The following RBFOX3 variants were observed in gnomAD, a reference collection of about 807,000 sequenced individuals.
RBFOX3 encodes RNA binding protein fox-1 homolog 3.
A neutral mutation model predicts 48.7 loss-of-function variants in RBFOX3; 17 were observed. The observed-to-expected ratio is 0.35, with a 90% CI of 0.24 to 0.52. The LOEUF is 0.52. RBFOX3 is among the 20% of genes least tolerant of loss of function. RBFOX3 has a pLI of 0.94. For missense variants in RBFOX3, 382 were observed against 497.5 expected (o/e 0.77, Z 2.21); for synonymous variants, 212 against 209.5 (o/e 1.01, Z -0.10).
intron 1 of RBFOX3, among the ~76,000 whole-genome samples, chr17:79,510,568 G>C (rs1189275446): frequency 6.6e-6 from 1 of 152,196 alleles, no homozygotes; most frequent in Non-Finnish European, 1.5e-5. Context: ...TAAAGTTGGG[G>C]CTGTAATTAC....
Position 79,198,917 on chromosome 17 carries a change from C to A in RBFOX3, c.-34+36849G>T, listed in dbSNP as rs1429816920. On this transcript the variant is annotated intron_variant, in intron 4 of 14. Transcript: ENST00000693108. This position sits in a 1 kb window ranked among gnomAD's most constrained non-coding sequence, Gnocchi z 8.2. Reference sequence around the variant, plus strand: ...GTGCTGGGATTACAGGTGTGAGCCACTGCACCTGGCCGAGCTTTTTGATGC... The same window carrying A: ...GTGCTGGGATTACAGGTGTGAGCCAATGCACCTGGCCGAGCTTTTTGATGC... Among the ~76,000 whole-genome samples the A allele has an allele frequency of 6.6e-6, 1 of 152,216 alleles. No individual in the cohort carries two copies. Among genetic ancestry groups the A allele is most frequent in the Non-Finnish European group, 1.5e-5 (1 of 68,044 alleles).
chr17:79,417,723 A>G (rs782647061), intron 2 of RBFOX3, among the ~76,000 whole-genome samples: 3 of 152,260 alleles, frequency 2.0e-5, no homozygotes, highest in Admixed American at 6.5e-5. Context: ...GCTCCTGGGT[A>G]CAGCCCCAAG....
At chr17:79,617,268 G>T in the RBFOX3 span, among the ~76,000 whole-genome samples, 2 of 151,998 alleles carry the variant, frequency 1.3e-5, no homozygotes, top group Non-Finnish European at 2.9e-5. Flanking sequence ...CCTGCTCTGG[G>T]GATGGGGGGG....
chr17:79,112,250 G>A (rs778670788), intron 5 of RBFOX3, among the ~76,000 whole-genome samples: 4 of 152,302 alleles, frequency 2.6e-5, no homozygotes, highest in East Asian at 1.9e-4. Flanking sequence ...TCTCAGTGTC[G>A]GTGAGGGACC....
chr17:79,241,410 A>AACTC (rs1301361166), intron 3 of RBFOX3, among the ~76,000 whole-genome samples: 3 of 152,108 alleles, frequency 2.0e-5, no homozygotes, highest in African/African-American at 7.2e-5. Context: ...ATCTCTTCTT[A>AACTC]ACTCCATTGG....
intron 1 of RBFOX3, among the ~76,000 whole-genome samples, chr17:79,494,449 C>A (rs814745): frequency 0.94 from 142,502 of 152,282 alleles, 67,069 homozygotes; most frequent in Non-Finnish European, 0.98. Flanking sequence ...GGCTGGCACC[C>A]CCTCTTGTTC....
rs979131247 is a variant in RBFOX3, at chr17:79,205,775, A to G, written c.-34+29991T>C. On this transcript the variant is annotated intron_variant, in intron 4 of 14. Coordinates refer to ENST00000693108, the MANE Select transcript of RBFOX3 (RefSeq NM_001350451.2). This position sits in a 1 kb window ranked among gnomAD's most constrained non-coding sequence, Gnocchi z 4.5. ...CGACAGAGCCTCTATTACTTGGTAT[A>G]TGGTGATTGATATGGAAAATGTATT... Among the ~76,000 whole-genome samples, 1 of 151,742 alleles carries G rather than the reference A, an allele frequency of 6.6e-6. No homozygotes were observed. Among genetic ancestry groups the G allele is most frequent in the African/African-American group, 2.4e-5 (1 of 41,308 alleles).
At chr17:79,161,659 G>A (rs1405289657) in intron 4 of RBFOX3, among the ~76,000 whole-genome samples, 4 of 152,208 alleles carry the variant, frequency 2.6e-5, no homozygotes, top group South Asian at 2.1e-4. Context: ...GCAGTGGCGC[G>A]ATCTTGTTTC....
At chr17:79,119,086 G>A (rs997679696) in intron 4 of RBFOX3, among the ~76,000 whole-genome samples, 6 of 151,964 alleles carry the variant, frequency 3.9e-5, no homozygotes, top group African/African-American at 1.4e-4. Context: ...TCTAATCCCT[G>A]TCATTCAACT....
intron 1 of RBFOX3, among the ~76,000 whole-genome samples, chr17:79,566,981 T>C (rs1249696039): frequency 5.9e-5 from 9 of 152,112 alleles, no homozygotes; most frequent in African/African-American, 2.2e-4. Context: ...TAAATTCTTG[T>C]TAATGGAAGT....
chr17:79,177,085 C>T (rs2050725085), intron 4 of RBFOX3, among the ~76,000 whole-genome samples: 1 of 152,144 alleles, frequency 6.6e-6, no homozygotes, highest in African/African-American at 2.4e-5. Flanking sequence ...CCTCTGGACG[C>T]CTGCCCATGG....
chr17:79,514,911 G>A (rs1281397731), intron 1 of RBFOX3, among the ~76,000 whole-genome samples: 2 of 152,196 alleles, frequency 1.3e-5, no homozygotes, highest in African/African-American at 2.4e-5. Context: ...AGGATGGGGA[G>A]CTTTCCAGAA....
intron 1 of RBFOX3, among the ~76,000 whole-genome samples, chr17:79,506,849 C>A (rs1175222958): frequency 6.6e-6 from 1 of 152,216 alleles, no homozygotes; most frequent in Non-Finnish European, 1.5e-5. Context: ...AGCTGGGAAG[C>A]TGGAACCCTT....
At position 79,115,628 on chromosome 17, in the gene RBFOX3, TG is replaced by T; in HGVS notation, c.87del (p.Thr30ArgfsTer16). ...GGGGTCTGGCCGGAGTAGTCCTGCG[TG>T]GGGTGCGGTGGGGGCGGGGCGTACT... ...PAEYAPPPPH[P>X]TQDYSGQTPV... On this transcript the variant is annotated frameshift_variant, in exon 5 of 15. Coordinates refer to ENST00000693108, the MANE Select transcript of RBFOX3 (RefSeq NM_001350451.2). LOFTEE classifies it high-confidence loss of function. The T allele has an allele frequency of 9.3e-7, 1 of 1,074,416 alleles. No homozygotes were observed. Among genetic ancestry groups the T allele is most frequent in the Non-Finnish European group, 1.1e-6 (1 of 889,354 alleles). 66.6% of individuals were successfully genotyped at this position (1,074,416 alleles called of 1,614,324 possible). A position where few individuals can be genotyped will look rare whatever the true frequency, so the allele number is the denominator to read the frequency against.
chr17:79,334,009 GT>G (rs2080806241), intron 2 of RBFOX3, among the ~76,000 whole-genome samples: 1 of 152,028 alleles, frequency 6.6e-6, no homozygotes, highest in Non-Finnish European at 1.5e-5. Context: ...TCCCACCCTG[GT>G]CACCAACGAT....
intron 3 of RBFOX3, among the ~76,000 whole-genome samples, chr17:79,293,414 TCC>T: frequency 2.1e-4 from 1 of 4,752 alleles, no homozygotes; most frequent in African/African-American, 2.1e-3. Flanking sequence ...CTCCACCCCT[TCC>T]TTCCTTCCTT....
At chr17:79,294,410 A>G (rs2073967148) in intron 3 of RBFOX3, among the ~76,000 whole-genome samples, 1 of 152,068 alleles carries the variant, frequency 6.6e-6, no homozygotes, top group South Asian at 2.1e-4. Context: ...TTCCGGGCTC[A>G]AGTCATTCTC....
At position 79,480,344 on chromosome 17, in the gene RBFOX3, C is replaced by T. The variant is rs1217434008; in HGVS notation, c.-175+2110G>A. On this transcript the variant is annotated intron_variant, in intron 2 of 14. Coordinates refer to ENST00000693108, the MANE Select transcript of RBFOX3 (RefSeq NM_001350451.2). This position sits in a 1 kb window ranked among gnomAD's most constrained non-coding sequence, Gnocchi z 4.8. ...CTCTCCTCCCGGGTCCATGGCAGAG[C>T]CAGTGCTCCCAGGGATAGAGTGCGA... Among the ~76,000 whole-genome samples, 14 of 152,298 alleles carry T rather than the reference C, an allele frequency of 9.2e-5. No homozygotes were observed. The East Asian group carries it at 2.7e-3, about 29-fold the overall frequency.
chr17:79,298,927 C>A (rs1279968331), intron 3 of RBFOX3, among the ~76,000 whole-genome samples: 2 of 152,206 alleles, frequency 1.3e-5, no homozygotes, highest in Non-Finnish European at 2.9e-5. Context: ...AGCAAACAGA[C>A]TGTGCTGGTG....
Sources: allele counts gnomAD v4.1 joint callset (sites outside exome capture counted in the v4.1 genomes callset), GRCh38; gene constraint gnomAD v4.1.1; non-coding constraint Gnocchi (gnomAD v3.1); transcripts MANE v1.5; gene names NCBI Gene and HGNC (gene_info 2026-07-23, HGNC 2026-07-21).